The following ELAPOR2 variants were observed in gnomAD, a reference collection of about 807,000 sequenced individuals.
ELAPOR2 encodes endosome/lysosome-associated apoptosis and autophagy regulator family member 2.
ELAPOR2 carries 89 observed loss-of-function variants against 120.7 expected under a neutral mutation model. The ratio of observed to expected loss-of-function variants is 0.74; its 90% CI spans 0.62 to 0.88. ELAPOR2 has a LOEUF of 0.88. Among genes scored for constraint, ELAPOR2 ranks in the 40% least tolerant of loss-of-function variants. ELAPOR2 has a pLI of 0.00. For missense variants in ELAPOR2, 1,134 were observed against 1,251.6 expected (o/e 0.91, Z 1.42); for synonymous variants, 444 against 444.9 (o/e 1.00, Z 0.03).
At chr7:86,946,542 ACGC>A (rs1791017105) in intron 3 of ELAPOR2, among the ~76,000 whole-genome samples, 1 of 152,072 alleles carries the variant, frequency 6.6e-6, no homozygotes, top group South Asian at 2.1e-4. Context: ...ACCTGCCACC[ACGC>A]CAGGCTAATT....
At chr7:87,005,294 A>G (rs914947978) in intron 1 of ELAPOR2, among the ~76,000 whole-genome samples, 1 of 152,154 alleles carries the variant, frequency 6.6e-6, no homozygotes, top group African/African-American at 2.4e-5. Flanking sequence ...ATAAAAATGA[A>G]GCACTATTTT....
At chr7:87,040,753 G>A (rs569656161) in intron 1 of ELAPOR2, among the ~76,000 whole-genome samples, 1,544 of 152,348 alleles carry the variant, frequency 0.01, 23 homozygotes, top group African/African-American at 0.034. Context: ...ACGGAACAAA[G>A]CTGGATGGAG....
intron 1 of ELAPOR2, among the ~76,000 whole-genome samples, chr7:86,972,851 C>T (rs142091072): frequency 2.4e-3 from 365 of 152,174 alleles, no homozygotes; most frequent in Non-Finnish European, 3.9e-3. Flanking sequence ...TTCACACTTG[C>T]TTACCTTAGA....
intron 1 of ELAPOR2, among the ~76,000 whole-genome samples, chr7:87,041,586 T>G (rs1452243441): frequency 2.0e-5 from 3 of 151,940 alleles, no homozygotes; most frequent in Non-Finnish European, 4.4e-5. Context: ...CCACCAGGCC[T>G]GCCCTAAAAG....
intron 2 of ELAPOR2, among the ~76,000 whole-genome samples, chr7:86,962,625 G>A (rs536314243): frequency 5.3e-5 from 8 of 152,192 alleles, no homozygotes; most frequent in South Asian, 2.1e-4. Flanking sequence ...TGCCGCATCC[G>A]GGCTATATGA....
chr7:87,031,096 C>G (rs138324575), intron 1 of ELAPOR2, among the ~76,000 whole-genome samples: 1 of 152,132 alleles, frequency 6.6e-6, no homozygotes, highest in African/African-American at 2.4e-5. Context: ...CCTGGTCCCT[C>G]CCACAACATG....
chr7:86,938,513 G>A (rs183237129), intron 7 of ELAPOR2, among the ~76,000 whole-genome samples: 58 of 151,982 alleles, frequency 3.8e-4, no homozygotes, highest in African/African-American at 1.4e-3. Context: ...TTCTATATAC[G>A]TCTCTACACC....
intron 1 of ELAPOR2, among the ~76,000 whole-genome samples, chr7:86,969,285 G>T (rs1583924254): frequency 6.6e-6 from 1 of 152,006 alleles, no homozygotes. Flanking sequence ...AAGCTGCATG[G>T]TGCTCACTGA....
At chr7:86,997,713 C>T (rs1015349987) in intron 1 of ELAPOR2, among the ~76,000 whole-genome samples, 2 of 152,160 alleles carry the variant, frequency 1.3e-5, no homozygotes, top group Non-Finnish European at 2.9e-5. Context: ...CCATTCCCAC[C>T]ATGGTCTCCG....
intron 18 of ELAPOR2, among the ~76,000 whole-genome samples, chr7:86,898,559 C>CAAAAAAAAAA (rs11418158): frequency 1.5e-5 from 1 of 66,596 alleles, no homozygotes; most frequent in Non-Finnish European, 2.9e-5. Flanking sequence ...ACACAATGAC[C>CAAAAAAAAAA]AAAAAAAAAA....
At chr7:87,030,704 G>C (rs1232480668) in intron 1 of ELAPOR2, among the ~76,000 whole-genome samples, 3 of 152,112 alleles carry the variant, frequency 2.0e-5, no homozygotes, top group Non-Finnish European at 4.4e-5. Flanking sequence ...GCTGAAAGCT[G>C]CCAGATTACA....
At chr7:87,042,251 C>G (rs1042000249) in intron 1 of ELAPOR2, among the ~76,000 whole-genome samples, 1 of 151,076 alleles carries the variant, frequency 6.6e-6, no homozygotes, top group Non-Finnish European at 1.5e-5. Context: ...CAGCTCTGCA[C>G]CAAGTGGACC....
At chr7:86,922,202 T>C (rs1291039634) in intron 10 of ELAPOR2, among the ~76,000 whole-genome samples, 2 of 152,022 alleles carry the variant, frequency 1.3e-5, no homozygotes, top group African/African-American at 4.8e-5. Context: ...AAACATTTAC[T>C]TCTAACCTAA....
At position 86,916,955 on chromosome 7, in the gene ELAPOR2, A is replaced by ATT. The variant is rs58682563; in HGVS notation, c.1593+1485_1593+1486dup. Among the ~76,000 whole-genome samples, 534 of 86,682 alleles carry ATT rather than the reference A, an allele frequency of 6.2e-3. 29 individuals are homozygous for ATT. The highest frequency in any genetic ancestry group is 0.014 in the African/African-American group (244 of 17,642). 56.9% of individuals were successfully genotyped at this position (86,682 alleles called of 152,430 possible). A position where few individuals can be genotyped will look rare whatever the true frequency, so the allele number is the denominator to read the frequency against. Reference sequence around the variant, plus strand: ...AGGCATGCGCCATTGTGGCCAGCTAATTTTTTTTTTTTTTTTTTTTTTTTT... The same window carrying ATT: ...AGGCATGCGCCATTGTGGCCAGCTAATTTTTTTTTTTTTTTTTTTTTTTTTTT... On this transcript the variant is annotated intron_variant, in intron 12 of 21. Coordinates refer to ENST00000450689, the MANE Select transcript of ELAPOR2 (RefSeq NM_001142749.3).
chr7:86,938,059 G>A (rs1169076915), intron 8 of ELAPOR2, 67 bp downstream of exon 8: 5 of 1,158,618 alleles, frequency 4.3e-6, no homozygotes, highest in Non-Finnish European at 6.3e-6. Context: ...GAACAAATTA[G>A]AGTCTGCTCA....
rs1188381826 is a variant in ELAPOR2, at chr7:87,017,920, AAAAAT to A, written c.189+41400_189+41404del. ...TGGGTGACAGAGTGAGACTGTCTCAAAAAATAAAATAAAATAAAATAAAAGCAGAT... is the reference window on the plus strand; with the variant it reads ...TGGGTGACAGAGTGAGACTGTCTCAAAAAATAAAATAAAATAAAAGCAGAT... On this transcript the variant is annotated intron_variant, in intron 1 of 21. Transcript: ENST00000450689. Among the ~76,000 whole-genome samples, 12 of 152,174 alleles carry A rather than the reference AAAAAT, an allele frequency of 7.9e-5. No homozygotes were observed. The East Asian group carries it at 1.5e-3, about 20-fold the overall frequency.
At chr7:86,938,543 T>C (rs1263503684) in intron 7 of ELAPOR2, among the ~76,000 whole-genome samples, 2 of 152,048 alleles carry the variant, frequency 1.3e-5, no homozygotes, top group African/African-American at 4.8e-5. Flanking sequence ...TGTAAAAGTA[T>C]AAACATTTTT....
chr7:87,039,966 A>G (rs1270831909), intron 1 of ELAPOR2, among the ~76,000 whole-genome samples: 3 of 152,196 alleles, frequency 2.0e-5, no homozygotes, highest in African/African-American at 7.2e-5. Context: ...GGGAAGCGCA[A>G]GGGGTCAGGG....
chr7:86,921,209 C>T (rs1390365832), intron 10 of ELAPOR2, among the ~76,000 whole-genome samples: 1 of 152,080 alleles, frequency 6.6e-6, no homozygotes, highest in Non-Finnish European at 1.5e-5. Context: ...TTGAAATCTC[C>T]ACCACCAATA....
Sources: gnomAD v4.1 joint callset for allele counts (sites outside exome capture counted in the v4.1 genomes callset) on GRCh38, gnomAD v4.1.1 for gene constraint, MANE v1.5 for transcripts, NCBI Gene and HGNC (gene_info 2026-07-23, HGNC 2026-07-21) for gene names.